The following L2HGDH variants were observed in gnomAD, a reference collection of about 807,000 sequenced individuals.
L2HGDH encodes the protein L-2-hydroxyglutarate dehydrogenase, mitochondrial.
In L2HGDH, 34 loss-of-function variants were observed where a neutral mutation model predicts 51.5. The observed-to-expected ratio is 0.66, with a 90% CI of 0.50 to 0.88. The LOEUF (loss-of-function observed/expected upper bound fraction) is 0.88, where lower values mean the gene tolerates loss of function less well. Ranked by LOEUF, L2HGDH falls within the 40% of genes least tolerant of loss-of-function variation. The pLI is 0.00. For synonymous variants in L2HGDH, 198 were observed against 197.9 expected, an observed-to-expected ratio of 1.00 and a Z score of -0.01; for missense variants, 558 against 571.9, an observed-to-expected ratio of 0.98 and a Z score of 0.25.
chr14:50,287,336 A>C, intron 4 of L2HGDH: 1 of 983,384 alleles, frequency 1.0e-6, no homozygotes, highest in African/African-American at 1.7e-5. Context: ...CTTAACAAGG[A>C]TACACAACAG....
At chr14:50,258,942 G>A (rs908670452) in intron 9 of L2HGDH, among the ~76,000 whole-genome samples, 2 of 151,316 alleles carry the variant, frequency 1.3e-5, no homozygotes, top group Non-Finnish European at 2.9e-5. Flanking sequence ...CTAGGCTCAA[G>A]CAATTCTCTT....
rs1216353716 is a variant in L2HGDH at position 50,244,835 on chromosome 14, G to A, written c.*2223C>T. The A allele has an allele frequency of 1.0e-6, 1 of 985,298 alleles. No individual in the cohort carries two copies. Among genetic ancestry groups the A allele is most frequent in the Non-Finnish European group, 1.2e-6 (1 of 829,932 alleles). 61.0% of individuals were successfully genotyped at this position (985,298 alleles called of 1,614,324 possible). ...CTCACCCATCCATCATACAGCTTTG[G>A]AGAGCTAAGAGGAAAGAAGACATAC... On this transcript the variant is annotated 3_prime_UTR_variant, in exon 10 of 10. Coordinates refer to ENST00000267436, the MANE Select transcript of L2HGDH (RefSeq NM_024884.3).
chr14:50,268,560 T>A (rs924885610), intron 7 of L2HGDH, among the ~76,000 whole-genome samples: 22 of 151,910 alleles, frequency 1.4e-4, no homozygotes, highest in African/African-American at 4.8e-4. Context: ...CAGAAAAAAA[T>A]ACACATTCAT....
intron 5 of L2HGDH, among the ~76,000 whole-genome samples, chr14:50,280,879 A>G (rs1352662286): frequency 6.6e-6 from 1 of 152,126 alleles, no homozygotes; most frequent in Admixed American, 6.5e-5. Context: ...CAGTGATGCA[A>G]TTATAGCTCA....
At chr14:50,311,909 C>T in intron 1 of L2HGDH, 102 bp downstream of exon 1, 3 of 1,480,828 alleles carry the variant, frequency 2.0e-6, no homozygotes, top group Non-Finnish European at 2.7e-6. Context: ...AACCTGCTCT[C>T]ACCCCGGGAC....
At chr14:50,270,663 C>T (rs1889625820) in intron 6 of L2HGDH, among the ~76,000 whole-genome samples, 1 of 152,136 alleles carries the variant, frequency 6.6e-6, no homozygotes. Context: ...CCCGCCACCA[C>T]GCCCGGCTAA....
intron 6 of L2HGDH, among the ~76,000 whole-genome samples, chr14:50,276,225 G>C (rs2139999595): frequency 6.6e-6 from 1 of 152,324 alleles, no homozygotes; most frequent in South Asian, 2.1e-4. Flanking sequence ...AGGAATGAAA[G>C]TTTGAGCTAC....
At chr14:50,287,274 T>C (rs7154966) in intron 4 of L2HGDH, 559,813 of 982,422 alleles carry the variant, frequency 0.57, 159,943 homozygotes, top group East Asian at 0.66. Context: ...TTTTCAGTAA[T>C]GCATAATATA....
In L2HGDH at chr14:50,243,663, TTATATATA is replaced by T. The variant is rs35064677; in HGVS notation, c.*3387_*3394del. The T allele has an allele frequency of 1.4e-3, 243 of 176,110 alleles. 1 individual carries two copies. The highest frequency in any genetic ancestry group is 1.9e-3 in the Non-Finnish European group (209 of 108,986). 10.9% of individuals were successfully genotyped at this position (176,110 alleles called of 1,614,324 possible). On this transcript the variant is annotated 3_prime_UTR_variant, in exon 10 of 10. Transcript: ENST00000267436. ...TTTCATTTTTATTTTTCAGGGTATT[TTATATATA>T]TATATATATATATATTGTTTATTAT... is the stretch of plus-strand genomic sequence containing the variant.
intron 4 of L2HGDH, among the ~76,000 whole-genome samples, chr14:50,285,184 T>C (rs955053813): frequency 6.6e-6 from 1 of 152,000 alleles, no homozygotes; most frequent in African/African-American, 2.4e-5. Flanking sequence ...GAGGCGGAGG[T>C]TGCAGTGAGC....
At chr14:50,300,087 G>A (rs1284233705) in intron 3 of L2HGDH, 1 of 152,088 alleles carries the variant, frequency 6.6e-6, no homozygotes, top group Non-Finnish European at 1.5e-5. Context: ...GGGGTGGTGT[G>A]GAAAGATATT....
At chr14:50,280,323 C>A (rs1890196438) in intron 5 of L2HGDH, among the ~76,000 whole-genome samples, 1 of 151,788 alleles carries the variant, frequency 6.6e-6, no homozygotes, top group Admixed American at 6.6e-5. Context: ...CGTATCACCA[C>A]ACCCGGCTAA....
intron 9 of L2HGDH, among the ~76,000 whole-genome samples, chr14:50,257,379 T>C (rs1456687856): frequency 6.6e-6 from 1 of 151,946 alleles, no homozygotes; most frequent in African/African-American, 2.4e-5. Flanking sequence ...TTTAATTTTT[T>C]TTTTTTTTGA....
intron 9 of L2HGDH, among the ~76,000 whole-genome samples, chr14:50,255,773 C>G (rs1416005644): frequency 1.3e-5 from 2 of 151,774 alleles, no homozygotes; most frequent in African/African-American, 4.8e-5. Flanking sequence ...GTGGCTCAGG[C>G]CCAATCCCAC....
At chr14:50,282,082 C>T (rs1566524158) in intron 5 of L2HGDH, among the ~76,000 whole-genome samples, 2 of 152,020 alleles carry the variant, frequency 1.3e-5, no homozygotes, top group South Asian at 2.1e-4. Context: ...CCTCATGATC[C>T]GCCCGCCTCG....
At chr14:50,252,170 TTG>T (rs1888398508) in intron 9 of L2HGDH, among the ~76,000 whole-genome samples, 1 of 152,072 alleles carries the variant, frequency 6.6e-6, no homozygotes, top group Admixed American at 6.6e-5. Context: ...TTCTGTGTGT[TTG>T]TTTGCATATG....
rs1889732516 is a variant in L2HGDH at position 50,272,151 on chromosome 14, T to A, written c.739-2821A>T. ...GTGAGACTGTCTCAAAAAGAAAAAA[T>A]TTCTTTAAACTTTTCATAAAACTAT... On this transcript the variant is annotated intron_variant, in intron 6 of 9. Transcript: ENST00000267436. Among the ~76,000 whole-genome samples the A allele has an allele frequency of 2.6e-5, 4 of 151,954 alleles. No individual in the cohort carries two copies. The South Asian group carries it at 8.3e-4, about 32-fold the overall frequency.
chr14:50,269,127 T>C (rs1281131943), intron 7 of L2HGDH, 36 bp downstream of exon 7: 7 of 1,555,104 alleles, frequency 4.5e-6, no homozygotes, highest in East Asian at 2.3e-5. Context: ...ACCACCTGCT[T>C]GAAAAAAATG....
chr14:50,306,928 G>C (rs1211815908), intron 1 of L2HGDH, among the ~76,000 whole-genome samples: 1 of 151,954 alleles, frequency 6.6e-6, no homozygotes, highest in Non-Finnish European at 1.5e-5. Context: ...TGATTCTCCT[G>C]CCTCAGCCTC....
Sources: gnomAD v4.1 joint callset for allele counts (sites outside exome capture counted in the v4.1 genomes callset) on GRCh38, gnomAD v4.1.1 for gene constraint, MANE v1.5 for transcripts, NCBI Gene and HGNC (gene_info 2026-07-23, HGNC 2026-07-21) for gene names.